Variants in UNC5C observed in about 807,000 individuals in gnomAD.
UNC5C encodes netrin receptor UNC5C.
In UNC5C, 47 loss-of-function variants were observed where a neutral mutation model predicts 99.8. The observed-to-expected ratio is 0.47, with a 90% confidence interval of 0.37 to 0.60. The LOEUF (loss-of-function observed/expected upper bound fraction) is 0.60, where lower values mean the gene tolerates loss of function less well. UNC5C is among the 20% of genes least tolerant of loss of function. UNC5C has a pLI of 0.00. For missense variants in UNC5C, 1,062 were observed against 1,165.9 expected (o/e 0.91, Z 1.30); for synonymous variants, 487 against 452.2 (o/e 1.08, Z -0.98).
intron 12 of UNC5C, among the ~76,000 whole-genome samples, chr4:95,191,547 C>T (rs1737093163): frequency 6.6e-6 from 1 of 151,772 alleles, no homozygotes; most frequent in Non-Finnish European, 1.5e-5. Flanking sequence ...ACCCTCCCCA[C>T]CAACCCCACT....
At chr4:95,187,128 C>A (rs1736863339) in intron 12 of UNC5C, among the ~76,000 whole-genome samples, 1 of 152,130 alleles carries the variant, frequency 6.6e-6, no homozygotes, top group Non-Finnish European at 1.5e-5. Context: ...GTCTAGTTAG[C>A]ATAATAGAGA....
chr4:95,486,040 T>C (rs1351952978), intron 1 of UNC5C, among the ~76,000 whole-genome samples: 1 of 151,784 alleles, frequency 6.6e-6, no homozygotes, highest in East Asian at 1.9e-4. Flanking sequence ...TTAGGTTACT[T>C]AAGAGGCAAC....
At chr4:95,492,708 C>T (rs1347267009) in intron 1 of UNC5C, among the ~76,000 whole-genome samples, 1 of 151,446 alleles carries the variant, frequency 6.6e-6, no homozygotes, top group African/African-American at 2.4e-5. Flanking sequence ...GAGAGGCCTG[C>T]TGTGATGAAC....
chr4:95,406,381 A>T (rs1203719962), intron 1 of UNC5C, among the ~76,000 whole-genome samples: 2 of 152,064 alleles, frequency 1.3e-5, no homozygotes, highest in East Asian at 3.9e-4. Flanking sequence ...CTTCCTGGAG[A>T]TGGTGCCATG....
intron 1 of UNC5C, among the ~76,000 whole-genome samples, chr4:95,493,206 G>A (rs1393288988): frequency 6.6e-6 from 1 of 151,444 alleles, no homozygotes; most frequent in Non-Finnish European, 1.5e-5. Flanking sequence ...GCAGCTATTA[G>A]GGATGAGATG....
chr4:95,492,698 G>C (rs1721530232), intron 1 of UNC5C, among the ~76,000 whole-genome samples: 1 of 151,364 alleles, frequency 6.6e-6, no homozygotes, highest in African/African-American at 2.4e-5. Context: ...GTTACTAATG[G>C]AGAGGCCTGC....
intron 10 of UNC5C, among the ~76,000 whole-genome samples, chr4:95,215,267 C>G (rs1049036064): frequency 6.6e-6 from 1 of 152,170 alleles, no homozygotes; most frequent in South Asian, 2.1e-4. Context: ...GCTGAGGAGC[C>G]GATGCTCTTC....
At chr4:95,418,341 G>A (rs764157734) in intron 1 of UNC5C, among the ~76,000 whole-genome samples, 8 of 152,136 alleles carry the variant, frequency 5.3e-5, no homozygotes, top group African/African-American at 1.2e-4. Flanking sequence ...CATTAGAAAC[G>A]CGATGACAAG....
chr4:95,519,994 G>A (rs965332845), intron 1 of UNC5C, among the ~76,000 whole-genome samples: 3 of 152,170 alleles, frequency 2.0e-5, no homozygotes, highest in Non-Finnish European at 4.4e-5. Context: ...CATTCAATGA[G>A]CAAAGCAAGA....
At chr4:95,244,410 C>CA (rs2149379323) in intron 6 of UNC5C, among the ~76,000 whole-genome samples, 1 of 151,970 alleles carries the variant, frequency 6.6e-6, no homozygotes, top group Admixed American at 6.6e-5. Flanking sequence ...CAGCAAATAA[C>CA]AAAAAAATAG....
At chr4:95,177,022 C>T (rs1194390432) in intron 14 of UNC5C, among the ~76,000 whole-genome samples, 3 of 152,220 alleles carry the variant, frequency 2.0e-5, no homozygotes, top group African/African-American at 4.8e-5. Flanking sequence ...CCGTCTGTCA[C>T]CCCTTTCTTT....
rs1174781764 is a variant in UNC5C at position 95,206,548 on chromosome 4, A to G, written c.1902+80T>C. ...ATTCCACTCATGTTTTGCTTTATAA[A>G]TAAAAGGCCTCCCATAATTGCTCCT... On this transcript the variant is annotated intron_variant, in intron 11 of 15. Coordinates refer to ENST00000453304, the MANE Select transcript of UNC5C (RefSeq NM_003728.4). 12 of 1,584,270 alleles carry G rather than the reference A, an allele frequency of 7.6e-6. No homozygotes were observed. In the East Asian group the frequency reaches 2.7e-4, roughly 36 times the overall value.
At chr4:95,448,376 C>A (rs1408199412) in intron 1 of UNC5C, among the ~76,000 whole-genome samples, 1 of 152,116 alleles carries the variant, frequency 6.6e-6, no homozygotes, top group East Asian at 1.9e-4. Context: ...ACCCATACGA[C>A]CCCTCTGGGC....
chr4:95,214,048 G>A (rs962138821), intron 10 of UNC5C, among the ~76,000 whole-genome samples: 1 of 152,158 alleles, frequency 6.6e-6, no homozygotes, highest in African/African-American at 2.4e-5. Context: ...CTTTAAAGTG[G>A]AGCTCATCAC....
chr4:95,472,002 T>G (rs1747985255), intron 1 of UNC5C, among the ~76,000 whole-genome samples: 1 of 152,138 alleles, frequency 6.6e-6, no homozygotes, highest in Non-Finnish European at 1.5e-5. Context: ...TTCTGTTTAT[T>G]TTGTAAGAAT....
chr4:95,378,852 C>T (rs1744979547), intron 1 of UNC5C, among the ~76,000 whole-genome samples: 1 of 152,160 alleles, frequency 6.6e-6, no homozygotes, highest in Non-Finnish European at 1.5e-5. Flanking sequence ...TGATTTACTA[C>T]TGTCTTTGTG....
rs532771928 is a variant in UNC5C, at chr4:95,427,884, G to A, written c.125-92253C>T. Among the ~76,000 whole-genome samples, 105 of 152,044 alleles carry A rather than the reference G, an allele frequency of 6.9e-4. 1 individual carries two copies. Among genetic ancestry groups the A allele is most frequent in the Admixed American group, 4.7e-3 (72 of 15,272 alleles). On this transcript the variant is annotated intron_variant, in intron 1 of 15. Transcript: ENST00000453304. The stretch of plus-strand genomic sequence containing the variant: ...CCACATCTGTCTCTTTAATCCATCT[G>A]TTATTTATTCTTATGTGTGGTTTGA...
At chr4:95,523,012 G>A (rs1357693263) in intron 1 of UNC5C, among the ~76,000 whole-genome samples, 2 of 152,086 alleles carry the variant, frequency 1.3e-5, no homozygotes, top group African/African-American at 4.8e-5. Flanking sequence ...ATCTTTGCCT[G>A]GATTCCCTAA....
intron 1 of UNC5C, among the ~76,000 whole-genome samples, chr4:95,521,717 C>T (rs188093556): frequency 1.7e-4 from 26 of 152,230 alleles, no homozygotes; most frequent in Non-Finnish European, 2.4e-4. Context: ...GAGAAAGCTA[C>T]GTAGATATTC....
Sources: allele counts gnomAD v4.1 joint callset (sites outside exome capture counted in the v4.1 genomes callset), GRCh38; gene constraint gnomAD v4.1.1; transcripts MANE v1.5; gene names NCBI Gene and HGNC (gene_info 2026-07-23, HGNC 2026-07-21).